The following ASAP1 variants were observed in gnomAD, a reference collection of about 807,000 sequenced individuals.
ASAP1 encodes ArfGAP with SH3 domain, ankyrin repeat and PH domain 1, also known as arf-GAP with SH3 domain, ANK repeat and PH domain-containing protein 1.
A neutral mutation model predicts 145.2 loss-of-function variants in ASAP1; 43 were observed. The ratio of observed to expected loss-of-function variants is 0.30; its 90% CI spans 0.23 to 0.38. The LOEUF is 0.38. Ranked by LOEUF, ASAP1 falls within the 10% of genes least tolerant of loss-of-function variation. ASAP1 has a pLI of 1.00. For missense variants in ASAP1, 1,018 were observed against 1,355.3 expected (o/e 0.75, Z 3.91); for synonymous variants, 546 against 515.5 (o/e 1.06, Z -0.80).
At position 130,072,027 on chromosome 8, in the gene ASAP1, T is replaced by C. The variant is rs966952143; in HGVS notation, c.2701+4321A>G. On this transcript the variant is annotated intron_variant, in intron 27 of 29. Coordinates refer to ENST00000518721, the MANE Select transcript of ASAP1 (RefSeq NM_018482.4). ...GACCTTCTCTTGCCCTCTTATTACC[T>C]ATCCCAAGGCAGGACTCTATTCCGA... 8.0e-4 allele frequency among the ~76,000 whole-genome samples: 122 copies of C among 152,242 alleles called. 1 individual carries two copies. Among genetic ancestry groups the C allele is most frequent in the Non-Finnish European group, 3.5e-4 (24 of 68,008 alleles).
intron 27 of ASAP1, among the ~76,000 whole-genome samples, chr8:130,075,087 G>A (rs2097459323): frequency 6.6e-6 from 1 of 152,208 alleles, no homozygotes; most frequent in Admixed American, 6.5e-5. Flanking sequence ...GAGAAAGCAG[G>A]CTGGAGAGGT....
chr8:130,373,260 G>A (rs1053437826), intron 2 of ASAP1, among the ~76,000 whole-genome samples: 1 of 151,184 alleles, frequency 6.6e-6, no homozygotes, highest in African/African-American at 2.4e-5. Context: ...AAAACCTATG[G>A]ATTTTAATCA....
intron 13 of ASAP1, among the ~76,000 whole-genome samples, chr8:130,140,018 C>T: frequency 6.8e-6 from 1 of 146,604 alleles, no homozygotes; most frequent in Non-Finnish European, 1.5e-5. Context: ...TCATTTCTTT[C>T]TTTTTCTTTC....
chr8:130,124,649 G>A lies in ASAP1; in HGVS notation c.1516-545C>T, dbSNP rs573986554. 4.3e-4 allele frequency among the ~76,000 whole-genome samples: 65 copies of A among 152,316 alleles called. 1 individual carries two copies. Among genetic ancestry groups the A allele is most frequent in the African/African-American group, 1.5e-3 (61 of 41,564 alleles). ...GGAACCATTTTGCTTCTGGGTTCAA[G>A]AGCATTCTAAGAAAATTTGTTCTGA... is the stretch of plus-strand genomic sequence containing the variant. On this transcript the variant is annotated intron_variant, in intron 17 of 29. Coordinates refer to ENST00000518721, the MANE Select transcript of ASAP1 (RefSeq NM_018482.4).
chr8:130,266,661 TAAAA>T (rs1006495029), intron 3 of ASAP1, among the ~76,000 whole-genome samples: 2 of 151,842 alleles, frequency 1.3e-5, no homozygotes, highest in Non-Finnish European at 2.9e-5. Context: ...CCAACAGTTA[TAAAA>T]AACAGAACTA....
intron 1 of ASAP1, among the ~76,000 whole-genome samples, chr8:130,441,132 G>A (rs1439535329): frequency 2.6e-5 from 4 of 152,224 alleles, no homozygotes; most frequent in Non-Finnish European, 5.9e-5. Context: ...AGATGAGGCT[G>A]GAAATAGAAG....
intron 7 of ASAP1, among the ~76,000 whole-genome samples, chr8:130,185,729 C>CAAAAAAAAAAAAAAAAAAAAAAAA (rs778486303): frequency 3.5e-5 from 2 of 57,138 alleles, no homozygotes; most frequent in Non-Finnish European, 7.4e-5. Context: ...AACTCCGCCT[C>CAAAAAAAAAAAAAAAAAAAAAAAA]AAAAAAAAAA....
chr8:130,378,252 T>C (rs1357621585), intron 2 of ASAP1, among the ~76,000 whole-genome samples: 3 of 152,210 alleles, frequency 2.0e-5, no homozygotes, highest in Non-Finnish European at 4.4e-5. Context: ...GGGATTCCTA[T>C]ATAGTTAATG....
chr8:130,107,815 C>T (rs1344387882), intron 24 of ASAP1, among the ~76,000 whole-genome samples: 2 of 152,170 alleles, frequency 1.3e-5, no homozygotes, highest in Admixed American at 6.5e-5. Flanking sequence ...TCCCACAGTG[C>T]TGGGATTACA....
At chr8:130,074,440 A>AACACACACAC (rs57005471) in intron 27 of ASAP1, among the ~76,000 whole-genome samples, 78 of 119,332 alleles carry the variant, frequency 6.5e-4, no homozygotes, top group East Asian at 3.6e-3. Flanking sequence ...CCAAATAGTA[A>AACACACACAC]ACACACACAC....
At chr8:130,225,370 A>G (rs1817529155) in intron 4 of ASAP1, among the ~76,000 whole-genome samples, 1 of 152,198 alleles carries the variant, frequency 6.6e-6, no homozygotes, top group Non-Finnish European at 1.5e-5. Flanking sequence ...AAAACCCTTA[A>G]CCTTTAACCC....
At chr8:130,423,865 G>C (rs1476165264) in intron 1 of ASAP1, among the ~76,000 whole-genome samples, 2 of 152,122 alleles carry the variant, frequency 1.3e-5, no homozygotes, top group African/African-American at 4.8e-5. Context: ...AAGTAATTGT[G>C]CAGAAAGTAC....
At chr8:130,386,114 T>A (rs1828003455) in intron 2 of ASAP1, among the ~76,000 whole-genome samples, 1 of 152,144 alleles carries the variant, frequency 6.6e-6, no homozygotes, top group Admixed American at 6.5e-5. Flanking sequence ...CCGGTGGCTT[T>A]AGGACCGATG....
intron 24 of ASAP1, among the ~76,000 whole-genome samples, chr8:130,103,280 A>G (rs1375730839): frequency 6.6e-6 from 1 of 151,228 alleles, no homozygotes; most frequent in African/African-American, 2.4e-5. Context: ...AATCTTATTT[A>G]TTTGGGTCTT....
intron 13 of ASAP1, among the ~76,000 whole-genome samples, chr8:130,147,628 A>T (rs975375515): frequency 6.6e-6 from 1 of 152,252 alleles, no homozygotes; most frequent in East Asian, 1.9e-4. Flanking sequence ...AGGTACTGTT[A>T]TTCTGTTTCA....
At chr8:130,348,294 C>A (rs1241204988) in intron 3 of ASAP1, among the ~76,000 whole-genome samples, 1 of 152,216 alleles carries the variant, frequency 6.6e-6, no homozygotes, top group Non-Finnish European at 1.5e-5. Flanking sequence ...GCCAACTCTG[C>A]TTTCTATAAT....
intron 24 of ASAP1, among the ~76,000 whole-genome samples, chr8:130,105,615 A>G (rs2097535665): frequency 6.6e-6 from 1 of 152,234 alleles, no homozygotes; most frequent in South Asian, 2.1e-4. Context: ...TATAAAGCTT[A>G]AAAGAGTGGA....
At chr8:130,171,362 G>T (rs1813583509) in intron 9 of ASAP1, among the ~76,000 whole-genome samples, 1 of 152,144 alleles carries the variant, frequency 6.6e-6, no homozygotes, top group Non-Finnish European at 1.5e-5. Flanking sequence ...TTGACTCACA[G>T]TTCCACATGG....
intron 1 of ASAP1, among the ~76,000 whole-genome samples, chr8:130,432,632 T>C (rs758800077): frequency 6.6e-6 from 1 of 152,144 alleles, no homozygotes; most frequent in South Asian, 2.1e-4. Context: ...CCTCAACACA[T>C]CCTCCCTAAG....
Sources: allele counts gnomAD v4.1 joint callset (sites outside exome capture counted in the v4.1 genomes callset), GRCh38; gene constraint gnomAD v4.1.1; transcripts MANE v1.5; gene names NCBI Gene and HGNC (gene_info 2026-07-23, HGNC 2026-07-21).